RBFOX3: variants seen among roughly 807,000 people sequenced by gnomAD.
RBFOX3 encodes the protein RNA binding fox-1 homolog 3, also known as RNA binding protein fox-1 homolog 3.
In RBFOX3, 17 loss-of-function variants were observed where a neutral mutation model predicts 48.7. The observed-to-expected ratio is 0.35, with a 90% CI of 0.24 to 0.52. RBFOX3 has a LOEUF of 0.52. Among genes scored for constraint, RBFOX3 ranks in the 20% least tolerant of loss-of-function variants. The pLI is 0.94. For synonymous variants in RBFOX3, 212 were observed against 209.5 expected (o/e 1.01, Z -0.10); for missense variants, 382 against 497.5 (o/e 0.77, Z 2.21).
intron 1 of RBFOX3, among the ~76,000 whole-genome samples, chr17:79,539,538 C>T (rs962069538): frequency 1.3e-5 from 2 of 152,292 alleles, no homozygotes; most frequent in South Asian, 2.1e-4. Flanking sequence ...AGGAAAGCTA[C>T]GAGTGCCAGG....
chr17:79,492,336 G>T (rs1024505735), intron 1 of RBFOX3, among the ~76,000 whole-genome samples: 94 of 152,328 alleles, frequency 6.2e-4, no homozygotes, highest in African/African-American at 2.2e-3. Flanking sequence ...TACCAGCACT[G>T]GTCTGTGTGA....
chr17:79,389,985 C>T (rs2889624), intron 2 of RBFOX3, among the ~76,000 whole-genome samples: 7 of 7,226 alleles, frequency 9.7e-4, no homozygotes, highest in East Asian at 7.4e-3. Context: ...CGGGTCTCCG[C>T]AGCCTCCAGG....
At chr17:79,405,324 T>C (rs1034498455) in intron 2 of RBFOX3, among the ~76,000 whole-genome samples, 25 of 152,156 alleles carry the variant, frequency 1.6e-4, no homozygotes, top group African/African-American at 6.0e-4. Flanking sequence ...TTTGATGCAT[T>C]TGAAAGTAAG....
chr17:79,511,441 C>T (rs1310019161), intron 1 of RBFOX3, among the ~76,000 whole-genome samples: 2 of 152,042 alleles, frequency 1.3e-5, no homozygotes, highest in Non-Finnish European at 2.9e-5. Context: ...GAGGAGGAGT[C>T]GTGGAAATGG....
intron 4 of RBFOX3, among the ~76,000 whole-genome samples, chr17:79,192,612 A>G (rs1165953169): frequency 6.6e-6 from 1 of 152,072 alleles, no homozygotes; most frequent in African/African-American, 2.4e-5. Context: ...GTGGATGTCC[A>G]TGGCTGAAAC....
At chr17:79,636,904 C>T in the RBFOX3 span, among the ~76,000 whole-genome samples, 1 of 152,108 alleles carries the variant, frequency 6.6e-6, no homozygotes. Context: ...GATTCAACAA[C>T]ATGCTGCCTA....
At chr17:79,118,975 CAAAAAA>C (rs767042086) in intron 4 of RBFOX3, among the ~76,000 whole-genome samples, 2 of 75,750 alleles carry the variant, frequency 2.6e-5, no homozygotes, top group Admixed American at 1.2e-4. Flanking sequence ...ACCCCTGTCT[CAAAAAA>C]AAAAAAAAAA....
At chr17:79,283,329 C>T (rs147220580) in intron 3 of RBFOX3, among the ~76,000 whole-genome samples, 11 of 145,606 alleles carry the variant, frequency 7.6e-5, no homozygotes, top group Admixed American at 1.4e-4. Context: ...AGTGCACTAG[C>T]GTGATCTCGG....
the RBFOX3 span, among the ~76,000 whole-genome samples, chr17:79,639,468 A>T: frequency 2.0e-5 from 3 of 152,056 alleles, no homozygotes; most frequent in African/African-American, 7.2e-5. Context: ...GAGCCACCGC[A>T]CCCAGCCCCA....
chr17:79,192,636 C>T (rs984918938), intron 4 of RBFOX3, among the ~76,000 whole-genome samples: 1 of 152,102 alleles, frequency 6.6e-6, no homozygotes, highest in Non-Finnish European at 1.5e-5. Flanking sequence ...CCTGGCAGCA[C>T]GGAACGAGAG....
intron 1 of RBFOX3, among the ~76,000 whole-genome samples, chr17:79,579,832 A>G (rs1263408106): frequency 1.0e-4 from 6 of 58,902 alleles, no homozygotes; most frequent in Non-Finnish European, 1.5e-4. Flanking sequence ...TGTGGTGGGG[A>G]GTCACTGGTG....
rs1254680907 is a variant in RBFOX3, at chr17:79,311,225, G to A, written c.-174-3401C>T. ...AGGCGGGTAGATCACCTGAGGTCAG[G>A]AGTTCAACACCAGCCTGGCCAACAT... On this transcript the variant is annotated intron_variant, in intron 2 of 14. Coordinates refer to ENST00000693108, the MANE Select transcript of RBFOX3 (RefSeq NM_001350451.2). This position sits in a 1 kb window ranked among gnomAD's most constrained non-coding sequence, Gnocchi z 4.2. 6.6e-6 allele frequency among the ~76,000 whole-genome samples: 1 copy of A among 152,110 alleles called. No individual in the cohort carries two copies. Among genetic ancestry groups the A allele is most frequent in the African/African-American group, 2.4e-5 (1 of 41,402 alleles).
intron 4 of RBFOX3, among the ~76,000 whole-genome samples, chr17:79,213,861 C>CACAA (rs1369164404): frequency 2.0e-5 from 3 of 152,222 alleles, no homozygotes; most frequent in Non-Finnish European, 4.4e-5. Context: ...ACACTCCATG[C>CACAA]ACAAGCCCAG....
chr17:79,141,454 G>C (rs1338930356), intron 4 of RBFOX3, among the ~76,000 whole-genome samples: 2 of 152,140 alleles, frequency 1.3e-5, no homozygotes, highest in African/African-American at 4.8e-5. Flanking sequence ...TGAAATCTCA[G>C]TTCTATCACA....
intron 1 of RBFOX3, among the ~76,000 whole-genome samples, chr17:79,528,214 C>T (rs1346566518): frequency 2.6e-5 from 4 of 150,960 alleles, no homozygotes; most frequent in Non-Finnish European, 5.9e-5. Flanking sequence ...CTTAGTTGAA[C>T]CTCTGAGGTG....
chr17:79,421,896 C>G lies in RBFOX3; in HGVS notation c.-175+60558G>C, dbSNP rs570704858. Among the ~76,000 whole-genome samples the G allele has an allele frequency of 3.1e-4, 47 of 152,212 alleles. No homozygotes were observed. The highest frequency in any genetic ancestry group is 6.2e-4 in the South Asian group (3 of 4,816). ...GGGTTCCAGGAACCCACGCCCCACC[C>G]CAAGCTGCCCGGTCCTCAGCAACTG... On this transcript the variant is annotated intron_variant, in intron 2 of 14. Coordinates refer to ENST00000693108, the MANE Select transcript of RBFOX3 (RefSeq NM_001350451.2). This position sits in a 1 kb window ranked among gnomAD's most constrained non-coding sequence, Gnocchi z 4.5.
At chr17:79,439,909 C>T (rs757613574) in intron 2 of RBFOX3, among the ~76,000 whole-genome samples, 1 of 152,228 alleles carries the variant, frequency 6.6e-6, no homozygotes, top group Non-Finnish European at 1.5e-5. Context: ...CAGAACATTC[C>T]AGGAGTAGGA....
chr17:79,202,077 A>G (rs141751226), intron 4 of RBFOX3, among the ~76,000 whole-genome samples: 15 of 152,154 alleles, frequency 9.9e-5, no homozygotes, highest in African/African-American at 2.2e-4. Flanking sequence ...TTACCAGGAG[A>G]ATGACCTCGG....
intron 2 of RBFOX3, among the ~76,000 whole-genome samples, chr17:79,328,895 A>G (rs924261814): frequency 6.6e-6 from 1 of 152,172 alleles, no homozygotes; most frequent in Non-Finnish European, 1.5e-5. Flanking sequence ...CTGGGCAGCA[A>G]AGGACTCAGG....
Sources: allele counts gnomAD v4.1 joint callset (sites outside exome capture counted in the v4.1 genomes callset), GRCh38; gene constraint gnomAD v4.1.1; non-coding constraint Gnocchi (gnomAD v3.1); transcripts MANE v1.5; gene names NCBI Gene and HGNC (gene_info 2026-07-23, HGNC 2026-07-21).